DCLK1: variants seen among roughly 807,000 people sequenced by gnomAD.
DCLK1 encodes serine/threonine-protein kinase DCLK1.
DCLK1 carries 16 observed loss-of-function variants against 86.2 expected under a neutral mutation model. The ratio of observed to expected loss-of-function variants is 0.19; its 90% CI spans 0.13 to 0.28. DCLK1 has a LOEUF of 0.28. Among genes scored for constraint, DCLK1 ranks in the 10% least tolerant of loss-of-function variants. The probability of loss-of-function intolerance (pLI) is 1.00; values close to 1 mark genes in which losing one functional copy is unlikely to be tolerated. For synonymous variants in DCLK1, 369 were observed against 370.5 expected (o/e 1.00, Z 0.05); for missense variants, 590 against 940.2 (o/e 0.63, Z 4.87).
intron 16 of DCLK1, among the ~76,000 whole-genome samples, chr13:35,787,132 C>G: frequency 6.6e-6 from 1 of 150,998 alleles, no homozygotes; most frequent in East Asian, 1.9e-4. Context: ...AACATATATA[C>G]TTTATATGTG....
At chr13:36,107,335 A>ATTTTTTTTT (rs10670428) in intron 3 of DCLK1, among the ~76,000 whole-genome samples, 2 of 110,306 alleles carry the variant, frequency 1.8e-5, no homozygotes, top group Admixed American at 9.6e-5. Flanking sequence ...GCAGTGGTAG[A>ATTTTTTTTT]TTTTTTTTTT....
chr13:35,960,530 G>T (rs76050116), intron 3 of DCLK1, among the ~76,000 whole-genome samples: 1 of 152,144 alleles, frequency 6.6e-6, no homozygotes, highest in Non-Finnish European at 1.5e-5. Flanking sequence ...CTGTTGCCCA[G>T]GCTGGACTGC....
intron 5 of DCLK1, among the ~76,000 whole-genome samples, chr13:35,862,630 C>T (rs992051517): frequency 6.6e-6 from 1 of 152,194 alleles, no homozygotes; most frequent in African/African-American, 2.4e-5. Context: ...TGCAATTTGA[C>T]CACAACCAAC....
chr13:36,031,770 T>C (rs1882284769), intron 3 of DCLK1, among the ~76,000 whole-genome samples: 1 of 152,230 alleles, frequency 6.6e-6, no homozygotes, highest in Admixed American at 6.5e-5. Flanking sequence ...GTTGTGGTTG[T>C]TGTTGAAACG....
intron 16 of DCLK1, among the ~76,000 whole-genome samples, chr13:35,779,107 C>A (rs1010511801): frequency 6.6e-6 from 1 of 152,018 alleles, no homozygotes; most frequent in African/African-American, 2.4e-5. Flanking sequence ...CCGCCACCTC[C>A]CGGGTTCACA....
intron 1 of DCLK1, among the ~76,000 whole-genome samples, chr13:36,130,846 C>A (rs1214564211): frequency 6.6e-6 from 1 of 152,242 alleles, no homozygotes; most frequent in African/African-American, 2.4e-5. Flanking sequence ...GCCCGCTCGC[C>A]TGACTCCAGG....
chr13:35,813,631 G>A (rs1012221903), intron 11 of DCLK1, among the ~76,000 whole-genome samples: 10 of 151,228 alleles, frequency 6.6e-5, no homozygotes, highest in African/African-American at 2.2e-4. Flanking sequence ...ATAAGTCTAC[G>A]AAAATGAAAA....
chr13:35,952,164 G>A (rs1040909972), intron 3 of DCLK1, among the ~76,000 whole-genome samples: 4 of 151,950 alleles, frequency 2.6e-5, no homozygotes, highest in Non-Finnish European at 4.4e-5. Flanking sequence ...AGTATAAATC[G>A]AGTGCATACG....
intron 14 of DCLK1, among the ~76,000 whole-genome samples, chr13:35,806,944 G>A (rs1248931807): frequency 3.9e-5 from 6 of 152,172 alleles, no homozygotes; most frequent in Admixed American, 3.9e-4. Context: ...TCTACACAAA[G>A]TGGTCATGTC....
chr13:35,911,301 A>G (rs1875016168), intron 4 of DCLK1, among the ~76,000 whole-genome samples: 1 of 151,922 alleles, frequency 6.6e-6, no homozygotes, highest in Admixed American at 6.6e-5. Context: ...CAAAAAAAAA[A>G]AAAAAAGAAC....
At chr13:35,915,260 C>G (rs1297254161) in intron 4 of DCLK1, among the ~76,000 whole-genome samples, 1 of 152,158 alleles carries the variant, frequency 6.6e-6, no homozygotes, top group Non-Finnish European at 1.5e-5. Flanking sequence ...ATACTATGAA[C>G]CATGCTGAAG....
intron 16 of DCLK1, among the ~76,000 whole-genome samples, chr13:35,778,134 G>A (rs1304280699): frequency 6.6e-6 from 1 of 152,176 alleles, no homozygotes; most frequent in Non-Finnish European, 1.5e-5. Context: ...TTTGAGATAT[G>A]AGAAAGTACA....
intron 6 of DCLK1, chr13:35,849,312 T>C: frequency 3.0e-6 from 3 of 985,250 alleles, no homozygotes; most frequent in Non-Finnish European, 3.6e-6. Flanking sequence ...ACTGAATTTC[T>C]CTCCATCTTG....
chr13:36,117,993 A>AGGG (rs1473637752), intron 2 of DCLK1, among the ~76,000 whole-genome samples: 1 of 152,216 alleles, frequency 6.6e-6, no homozygotes, highest in Non-Finnish European at 1.5e-5. Flanking sequence ...CAAAAAAGAG[A>AGGG]GGGGAGAACA....
chr13:36,017,492 A>C (rs1881584842), intron 3 of DCLK1, among the ~76,000 whole-genome samples: 1 of 152,196 alleles, frequency 6.6e-6, no homozygotes, highest in African/African-American at 2.4e-5. Flanking sequence ...CATCTATAAA[A>C]ACGTATGACT....
At chr13:35,812,340 A>T (rs1211368440) in intron 11 of DCLK1, among the ~76,000 whole-genome samples, 1 of 152,202 alleles carries the variant, frequency 6.6e-6, no homozygotes, top group Non-Finnish European at 1.5e-5. Context: ...TGCCTCAAGG[A>T]AGCAGCTAAG....
intron 2 of DCLK1, among the ~76,000 whole-genome samples, chr13:36,125,404 C>T (rs1362151759): frequency 2.6e-5 from 4 of 152,010 alleles, no homozygotes; most frequent in Non-Finnish European, 2.9e-5. Context: ...CAAGTACTTT[C>T]GGATATCGTG....
chr13:35,787,766 T>G (rs1041705565), intron 16 of DCLK1: 2 of 199,076 alleles, frequency 1.0e-5, no homozygotes, highest in African/African-American at 4.8e-5. Context: ...AAGGTGTAAA[T>G]GCATTGTTAT....
At chr13:35,875,531 GA>G (rs1832079514) in intron 4 of DCLK1, among the ~76,000 whole-genome samples, 1 of 152,198 alleles carries the variant, frequency 6.6e-6, no homozygotes, top group Non-Finnish European at 1.5e-5. Flanking sequence ...GTACCAAAAA[GA>G]AACTTGGTAT....
Sources: allele counts gnomAD v4.1 joint callset (sites outside exome capture counted in the v4.1 genomes callset), GRCh38; gene constraint gnomAD v4.1.1; transcripts MANE v1.5; gene names NCBI Gene and HGNC (gene_info 2026-07-23, HGNC 2026-07-21).